Variants in IFT74 observed in about 807,000 individuals in gnomAD.
IFT74 encodes the protein intraflagellar transport 74, also known as intraflagellar transport protein 74 homolog.
In IFT74, 92 loss-of-function variants were observed where a neutral mutation model predicts 96.7. The ratio of observed to expected loss-of-function variants is 0.95; its 90% confidence interval spans 0.80 to 1.13. The LOEUF is 1.13. IFT74 is among the 50% of genes most tolerant of loss of function. The pLI is 0.00. For missense variants in IFT74, 811 were observed against 698.2 expected (o/e 1.16, Z -1.82); for synonymous variants, 223 against 213.2 (o/e 1.05, Z -0.40).
chr9:27,063,528 G>C lies in IFT74; in HGVS notation c.*792G>C, dbSNP rs1469434443. 6.6e-6 allele frequency among the ~76,000 whole-genome samples: 1 copy of C among 152,060 alleles called. No homozygotes were observed. The highest frequency in any genetic ancestry group is 2.4e-5 in the African/African-American group (1 of 41,440). On this transcript the variant is annotated 3_prime_UTR_variant, in exon 20 of 20. Coordinates refer to ENST00000380062, the MANE Select transcript of IFT74 (RefSeq NM_025103.4). ...TAGAAGAGGTAGGATTGGGAGAGAG[G>C]CATAGAGTCTGGAAGACATTATATT...
chr9:26,996,252 C>T, intron 8 of IFT74: 1 of 951,232 alleles, frequency 1.1e-6, no homozygotes, highest in Non-Finnish European at 1.5e-6. Flanking sequence ...AAGATAACTA[C>T]CTCAGTTTAT....
At chr9:27,056,597 C>A (rs1335890515) in intron 18 of IFT74, 138 bp downstream of exon 18, 9 of 660,508 alleles carry the variant, frequency 1.4e-5, no homozygotes, top group Non-Finnish European at 2.0e-5. Context: ...TCTGTACAGT[C>A]TTCATTCAGA....
At chr9:26,980,910 C>T (rs900926299) in intron 4 of IFT74, among the ~76,000 whole-genome samples, 3 of 152,106 alleles carry the variant, frequency 2.0e-5, no homozygotes, top group African/African-American at 7.2e-5. Flanking sequence ...TAATAAAATA[C>T]CTGAGATTGG....
chr9:27,047,615 G>A (rs1819749723), intron 15 of IFT74, among the ~76,000 whole-genome samples: 1 of 152,146 alleles, frequency 6.6e-6, no homozygotes, highest in Non-Finnish European at 1.5e-5. Context: ...AGCAGTAAAT[G>A]AAGCACTAAT....
At chr9:27,031,625 G>A (rs1295059125) in intron 13 of IFT74, among the ~76,000 whole-genome samples, 2 of 144,898 alleles carry the variant, frequency 1.4e-5, no homozygotes, top group South Asian at 2.2e-4. Flanking sequence ...AATGAGATAG[G>A]GTCTTTCTGT....
intron 13 of IFT74, among the ~76,000 whole-genome samples, chr9:27,031,767 AAAATAAAATAAAAT>A (rs1304855965): frequency 4.1e-5 from 6 of 148,020 alleles, no homozygotes; most frequent in African/African-American, 7.4e-5. Context: ...AAAATAAAAT[AAAATAAAATAAAAT>A]AAATAAAATA....
rs767225659 is a variant in IFT74, at chr9:27,065,577, G to A, written c.*2841G>A. Among the ~76,000 whole-genome samples, 28 of 152,078 alleles carry A rather than the reference G, an allele frequency of 1.8e-4. No homozygotes were observed. The highest frequency in any genetic ancestry group is 4.2e-4 in the South Asian group (2 of 4,818). On this transcript the variant is annotated 3_prime_UTR_variant, in exon 20 of 20. Coordinates refer to ENST00000380062, the MANE Select transcript of IFT74 (RefSeq NM_025103.4). ...TATTCTTTTTCCTGTGGAGCCCCTCGTTTGGACAATACTATAGTCTCATTT... is the reference window on the plus strand; with the variant it reads ...TATTCTTTTTCCTGTGGAGCCCCTCATTTGGACAATACTATAGTCTCATTT...
intron 2 of IFT74, among the ~76,000 whole-genome samples, chr9:26,964,525 A>G (rs906874349): frequency 1.3e-5 from 2 of 151,900 alleles, no homozygotes; most frequent in African/African-American, 2.4e-5. Context: ...CTTGATGGGG[A>G]TGGCATTGAA....
At chr9:26,995,796 C>T in intron 8 of IFT74, 1 of 1,612,570 alleles carries the variant, frequency 6.2e-7, no homozygotes, top group Non-Finnish European at 8.5e-7. Flanking sequence ...GTCGTCAGTA[C>T]AGTGACAACA....
At chr9:26,999,521 T>C (rs553052542) in intron 8 of IFT74, 45 of 919,346 alleles carry the variant, frequency 4.9e-5, no homozygotes, top group Non-Finnish European at 6.6e-5. Context: ...GGTCAGATTT[T>C]CTTTGCTTTC....
At chr9:27,005,944 G>A (rs146009451) in intron 8 of IFT74, among the ~76,000 whole-genome samples, 1,587 of 152,178 alleles carry the variant, frequency 0.01, 37 homozygotes, top group African/African-American at 0.036. Context: ...GGTTCAAGCA[G>A]TTCTCCTCCC....
rs1829380866 is a variant in IFT74, at chr9:27,017,059, A to G, written c.933+9A>G. 3.1e-6 allele frequency: 5 copies of G among 1,593,088 alleles called. No individual in the cohort carries two copies. Among genetic ancestry groups the G allele is most frequent in the Non-Finnish European group, 3.4e-6 (4 of 1,172,950 alleles). On this transcript the variant is annotated intron_variant, in intron 11 of 19. Coordinates refer to ENST00000380062, the MANE Select transcript of IFT74 (RefSeq NM_025103.4). ...AGAAATTACTTAAGCAGGTGGGCAA[A>G]ACAAACATACTTATTTTAAGATGTC...
At chr9:26,979,459 G>A (rs1395450814) in intron 3 of IFT74, among the ~76,000 whole-genome samples, 1 of 151,896 alleles carries the variant, frequency 6.6e-6, no homozygotes, top group Admixed American at 6.6e-5. Context: ...ATTTAAGATT[G>A]TTAGTCTCTA....
intron 16 of IFT74, among the ~76,000 whole-genome samples, chr9:27,050,847 C>T (rs1819889880): frequency 6.6e-6 from 1 of 151,904 alleles, no homozygotes; most frequent in African/African-American, 2.4e-5. Flanking sequence ...AACAAACCTG[C>T]ACGTTGTGCA....
intron 12 of IFT74, among the ~76,000 whole-genome samples, chr9:27,025,278 A>C (rs1829805218): frequency 6.6e-6 from 1 of 151,764 alleles, no homozygotes; most frequent in Non-Finnish European, 1.5e-5. Flanking sequence ...CCTTGTCTCT[A>C]CTAAAAATAC....
chr9:27,037,542 T>C (rs1383957838), intron 13 of IFT74, among the ~76,000 whole-genome samples: 1 of 152,200 alleles, frequency 6.6e-6, no homozygotes. Context: ...ATACCTTTCA[T>C]AGCAAGTCTT....
intron 6 of IFT74, among the ~76,000 whole-genome samples, chr9:26,986,884 A>G (rs772290768): frequency 1.3e-5 from 2 of 152,088 alleles, no homozygotes; most frequent in Non-Finnish European, 2.9e-5. Flanking sequence ...CAGCTTCCCA[A>G]AGTGCTGGGA....
At chr9:27,022,404 G>A (rs1220957067) in intron 12 of IFT74, among the ~76,000 whole-genome samples, 2 of 151,966 alleles carry the variant, frequency 1.3e-5, no homozygotes, top group Non-Finnish European at 2.9e-5. Flanking sequence ...CATTGAACTT[G>A]TAGATTGCTT....
rs1232143979 is a variant in IFT74 at position 27,062,619 on chromosome 9, C to T, written c.1686C>T (p.Phe562=). The T allele has an allele frequency of 6.5e-6, 10 of 1,548,962 alleles. No individual in the cohort carries two copies. Among genetic ancestry groups the T allele is most frequent in the Non-Finnish European group, 8.0e-6 (9 of 1,126,384 alleles). The change falls in exon 20 of 20, where the codon TTC becomes TTT. Residue 562 remains phenylalanine (F), a splice_region_variant and synonymous_variant. Coordinates refer to ENST00000380062, the MANE Select transcript of IFT74 (RefSeq NM_025103.4). ...LEQNNFAMKE[F]IATKSQESDY... The stretch of plus-strand genomic sequence containing the variant: ...TTCCCCCTTAACTCATGTAATTAGT[C>T]ATAGCAACCAAGAGTCAAGAGAGTG...
Sources: allele counts gnomAD v4.1 joint callset (sites outside exome capture counted in the v4.1 genomes callset), GRCh38; gene constraint gnomAD v4.1.1; transcripts MANE v1.5; gene names NCBI Gene and HGNC (gene_info 2026-07-23, HGNC 2026-07-21).